The following EXO1 variants were observed in gnomAD, a reference collection of about 807,000 sequenced individuals.
EXO1 encodes exonuclease 1.
Under a neutral mutation model 84.5 loss-of-function variants are expected in EXO1, and 69 were observed. The ratio of observed to expected loss-of-function variants is 0.82; its 90% CI spans 0.67 to 1.00. The LOEUF (loss-of-function observed/expected upper bound fraction) is 1.00. Ranked by LOEUF, EXO1 falls within the 50% of genes least tolerant of loss-of-function variation. The probability of loss-of-function intolerance (pLI) is 0.00; values close to 1 mark genes in which losing one functional copy is unlikely to be tolerated. For synonymous variants in EXO1, 373 were observed against 366.1 expected, an observed-to-expected ratio of 1.02 and a Z score of -0.21; for missense variants, 1,045 against 1,000.7, an observed-to-expected ratio of 1.04 and a Z score of -0.60.
intron 6 of EXO1, among the ~76,000 whole-genome samples, chr1:241,855,427 A>C (rs1660934082): frequency 6.6e-6 from 1 of 152,192 alleles, no homozygotes; most frequent in African/African-American, 2.4e-5. Context: ...CTTGAGCTAG[A>C]TACAGAGTGC....
rs4150018 is a variant in EXO1, at chr1:241,889,319, T to A, written c.2406-146T>A. On this transcript the variant is annotated intron_variant, in intron 15 of 15. Coordinates refer to ENST00000366548, the MANE Select transcript of EXO1 (RefSeq NM_130398.4). ...TATTGGGAGTGCTCACAGGAGAACC[T>A]GATTGTGTTATATAATGAATTGAAA... is the stretch of plus-strand genomic sequence containing the variant. 240 of 711,226 alleles carry A rather than the reference T, an allele frequency of 3.4e-4. No individual in the cohort carries two copies. The African/African-American group carries it at 3.8e-3, about 11-fold the overall frequency. The allele number at this position is 711,226 out of a possible 1,614,324, so 44.1% of individuals were successfully genotyped here. A position where few individuals can be genotyped will look rare whatever the true frequency, so the allele number is the denominator to read the frequency against.
chr1:241,861,350 A>T (rs1282462067), intron 9 of EXO1, 56 bp from the exon 10 acceptor site: 18 of 883,194 alleles, frequency 2.0e-5, no homozygotes. Context: ...ATCTTAGTAT[A>T]ATATCATTTG....
chr1:241,858,696 C>T lies in EXO1; in HGVS notation c.734C>T (p.Ala245Val), dbSNP rs747186288. 1 of 1,611,980 alleles carries T rather than the reference C, an allele frequency of 6.2e-7. No homozygotes were observed. Among genetic ancestry groups the T allele is most frequent in the Non-Finnish European group, 8.5e-7 (1 of 1,178,168 alleles). The change falls in exon 8 of 16, where the codon GCC becomes GTC. Residue 245 changes from alanine (A) to valine (V), a missense_variant. Coordinates refer to ENST00000366548, the MANE Select transcript of EXO1 (RefSeq NM_130398.4). Reference sequence around the variant, plus strand: ...AAGGCATGCAAAGTCCTAAGACTAGCCAATAATCCAGATATAGTAAAGGTA... The same window carrying T: ...AAGGCATGCAAAGTCCTAAGACTAGTCAATAATCCAGATATAGTAAAGGTA... ...LAKACKVLRL[A>V]NNPDIVKVIK...
At chr1:241,850,836 CT>C (rs10641736) in intron 4 of EXO1, among the ~76,000 whole-genome samples, 1,326 of 105,024 alleles carry the variant, frequency 0.013, 11 homozygotes, top group African/African-American at 0.034. Flanking sequence ...CTCCTTTATT[CT>C]TTTTTTTTTT....
intron 3 of EXO1, among the ~76,000 whole-genome samples, chr1:241,850,206 G>A (rs1187793060): frequency 1.3e-5 from 2 of 151,966 alleles, no homozygotes; most frequent in Non-Finnish European, 2.9e-5. Context: ...GCGTGAACCC[G>A]GGAGGCGGAG....
At chr1:241,856,692 A>G (rs1661065961) in intron 6 of EXO1, among the ~76,000 whole-genome samples, 1 of 152,124 alleles carries the variant, frequency 6.6e-6, no homozygotes, top group African/African-American at 2.4e-5. Context: ...ACAAATGTAT[A>G]TTTTCGGAAC....
chr1:241,867,301 G>C (rs1332561429), intron 11 of EXO1, among the ~76,000 whole-genome samples: 1 of 152,108 alleles, frequency 6.6e-6, no homozygotes, highest in Non-Finnish European at 1.5e-5. Context: ...AAGGTGAAAG[G>C]CACTTCTCAC....
At chr1:241,852,768 T>C (rs1660742741) in intron 5 of EXO1, among the ~76,000 whole-genome samples, 1 of 152,236 alleles carries the variant, frequency 6.6e-6, no homozygotes, top group Non-Finnish European at 1.5e-5. Flanking sequence ...GCAATTCTTG[T>C]GCCTCAGCCT....
intron 15 of EXO1, among the ~76,000 whole-genome samples, chr1:241,889,177 G>A (rs1663240387): frequency 6.6e-6 from 1 of 152,126 alleles, no homozygotes; most frequent in Non-Finnish European, 1.5e-5. Flanking sequence ...AAGGAGAAAA[G>A]AATTAAAGTA....
At chr1:241,876,286 C>T (rs1462041357) in intron 12 of EXO1, among the ~76,000 whole-genome samples, 1 of 152,146 alleles carries the variant, frequency 6.6e-6, no homozygotes, top group Non-Finnish European at 1.5e-5. Context: ...TATACAGCAA[C>T]ATCTGATAAT....
chr1:241,889,034 T>C (rs1429579525), intron 15 of EXO1, among the ~76,000 whole-genome samples: 1 of 151,870 alleles, frequency 6.6e-6, no homozygotes, highest in Non-Finnish European at 1.5e-5. Context: ...ATCGTGCCAC[T>C]GCACTCCAGC....
At chr1:241,852,818 G>A (rs759583679) in intron 5 of EXO1, among the ~76,000 whole-genome samples, 1 of 152,036 alleles carries the variant, frequency 6.6e-6, no homozygotes. Context: ...CACCACACCC[G>A]GCTAATTTTT....
At chr1:241,874,189 A>G (rs1344195225) in intron 12 of EXO1, among the ~76,000 whole-genome samples, 2 of 152,198 alleles carry the variant, frequency 1.3e-5, no homozygotes, top group Non-Finnish European at 2.9e-5. Context: ...ACCTGAGGTC[A>G]GGAGTTTGAG....
intron 13 of EXO1, among the ~76,000 whole-genome samples, chr1:241,880,818 T>C (rs1031932692): frequency 9.2e-5 from 14 of 152,174 alleles, no homozygotes; most frequent in East Asian, 3.9e-4. Context: ...TAGTTCACTG[T>C]GAAAAACAAC....
intron 12 of EXO1, among the ~76,000 whole-genome samples, chr1:241,872,816 C>T (rs1352775009): frequency 6.6e-6 from 1 of 152,106 alleles, no homozygotes; most frequent in African/African-American, 2.4e-5. Flanking sequence ...AATAAACATA[C>T]GTATGCATGT....
At chr1:241,855,936 C>CTGG (rs1661002004) in intron 6 of EXO1, among the ~76,000 whole-genome samples, 1 of 152,166 alleles carries the variant, frequency 6.6e-6, no homozygotes, top group Non-Finnish European at 1.5e-5. Context: ...CCGCGCGCAG[C>CTGG]CCCAGTTCTC....
At position 241,881,961 on chromosome 1, in the gene EXO1, A is replaced by G. The variant is rs187737160; in HGVS notation, c.2155A>G (p.Thr719Ala). ...IKLLDSQSDQ[T>A]SKLRLSHFSK... ...GTTACTTGACAGTCAAAGTGACCAG[A>G]CCTCCAAGCTACGTTTATCTCATTT... is the stretch of plus-strand genomic sequence containing the variant. The change falls in exon 14 of 16, where the codon ACC (threonine) becomes GCC (alanine). Residue 719 changes from threonine (T) to alanine (A), a missense_variant. By Grantham distance (58) the Thr-to-Ala change is moderately conservative. Coordinates refer to ENST00000366548, the MANE Select transcript of EXO1 (RefSeq NM_130398.4). 8 of 1,585,078 alleles carry G rather than the reference A, an allele frequency of 5.0e-6. No individual in the cohort carries two copies. The East Asian group carries it at 1.8e-4, about 36-fold the overall frequency.
intron 8 of EXO1, 108 bp from the exon 9 acceptor site, chr1:241,860,409 G>A (rs1477902436): frequency 1.2e-6 from 1 of 863,534 alleles, no homozygotes; most frequent in Non-Finnish European, 1.9e-6. Context: ...GTAGATGAAA[G>A]CAGTTAATGT....
intron 15 of EXO1, 88 bp from the exon 16 acceptor site, chr1:241,889,377 A>T: frequency 8.5e-7 from 1 of 1,178,720 alleles, no homozygotes; most frequent in Non-Finnish European, 1.3e-6. Flanking sequence ...TATCCTCTTC[A>T]TGTCCCTCTA....
Sources: allele counts gnomAD v4.1 joint callset (sites outside exome capture counted in the v4.1 genomes callset), GRCh38; gene constraint gnomAD v4.1.1; transcripts MANE v1.5; gene names NCBI Gene and HGNC (gene_info 2026-07-23, HGNC 2026-07-21).